The following SCHIP1 variants were observed in gnomAD, a reference collection of about 807,000 sequenced individuals.
SCHIP1 encodes the protein schwannomin-interacting protein 1.
Under a neutral mutation model 29.7 loss-of-function variants are expected in SCHIP1, and 8 were observed. The observed-to-expected ratio is 0.27, with a 90% CI of 0.16 to 0.49. The LOEUF is 0.49. SCHIP1 is among the 20% of genes least tolerant of loss of function. The pLI, the probability that SCHIP1 is intolerant of heterozygous loss-of-function variation, is 0.99. For missense variants in SCHIP1, 193 were observed against 294.6 expected (o/e 0.66, Z 2.52); for synonymous variants, 76 against 94.9 (o/e 0.80, Z 1.16).
chr3:159,283,840 A>C, the SCHIP1 span, among the ~76,000 whole-genome samples: 3 of 152,200 alleles, frequency 2.0e-5, no homozygotes, highest in African/African-American at 7.2e-5. Flanking sequence ...AATTCAACCT[A>C]AGCAAAATAG....
At chr3:159,611,855 G>C in the SCHIP1 span, among the ~76,000 whole-genome samples, 1 of 151,850 alleles carries the variant, frequency 6.6e-6, no homozygotes, top group Admixed American at 6.6e-5. Flanking sequence ...TGTATTGCTG[G>C]GTTTCAGTGT....
the SCHIP1 span, among the ~76,000 whole-genome samples, chr3:159,638,777 T>TA: frequency 1.3e-5 from 2 of 152,088 alleles, no homozygotes; most frequent in African/African-American, 4.8e-5. Flanking sequence ...TATAAATACT[T>TA]ATATTCATTT....
chr3:159,828,389 ATATATACGTATATATATACG>A, the SCHIP1 span, among the ~76,000 whole-genome samples: 1 of 25,954 alleles, frequency 3.9e-5, no homozygotes, highest in South Asian at 1.0e-3. Context: ...ATATATATAC[ATATATACGTATATATATACG>A]TATATATACG....
the SCHIP1 span, chr3:159,274,351 A>G: frequency 1.0e-6 from 1 of 979,496 alleles, no homozygotes; most frequent in South Asian, 4.7e-5. Context: ...ATGTCTAGGT[A>G]TTCTAATGTC....
the SCHIP1 span, among the ~76,000 whole-genome samples, chr3:159,707,180 C>T: frequency 6.6e-6 from 1 of 152,138 alleles, no homozygotes; most frequent in Non-Finnish European, 1.5e-5. Flanking sequence ...GTATATGACT[C>T]TTTATCAGAG....
chr3:159,518,618 G>A, the SCHIP1 span, among the ~76,000 whole-genome samples: 1 of 152,022 alleles, frequency 6.6e-6, no homozygotes, highest in African/African-American at 2.4e-5. Context: ...ACTCATTAAG[G>A]ACACTTTCTC....
At chr3:159,838,055 C>G (rs1354759502), upstream of SCHIP1, among the ~76,000 whole-genome samples, 1 of 152,128 alleles carries the variant, frequency 6.6e-6, no homozygotes, top group Non-Finnish European at 1.5e-5. Context: ...TCCTTTGAAC[C>G]TGCTGCTGAA....
the SCHIP1 span, among the ~76,000 whole-genome samples, chr3:159,610,954 C>T: frequency 6.6e-6 from 1 of 151,960 alleles, no homozygotes; most frequent in Admixed American, 6.6e-5. Flanking sequence ...TAGCAGTTCA[C>T]AGATTTAAAA....
chr3:159,666,564 G>T, the SCHIP1 span, among the ~76,000 whole-genome samples: 97 of 152,188 alleles, frequency 6.4e-4, 3 homozygotes, highest in South Asian at 6.8e-3. Flanking sequence ...TTGAAAGATT[G>T]AAACAGTGAA....
the SCHIP1 span, among the ~76,000 whole-genome samples, chr3:159,553,060 G>A: frequency 6.6e-6 from 1 of 152,036 alleles, no homozygotes; most frequent in Non-Finnish European, 1.5e-5. Flanking sequence ...GACGGTGCAT[G>A]GCTGACAATA....
chr3:159,862,946 A>G (rs1270117543), intron 1 of SCHIP1, among the ~76,000 whole-genome samples: 10 of 152,204 alleles, frequency 6.6e-5, no homozygotes, highest in Non-Finnish European at 1.5e-5. Flanking sequence ...AAATGTGTCA[A>G]GAGCCTCAAC....
chr3:159,657,006 G>A, the SCHIP1 span, among the ~76,000 whole-genome samples: 1 of 151,938 alleles, frequency 6.6e-6, no homozygotes, highest in Non-Finnish European at 1.5e-5. Context: ...TGTGCAATGA[G>A]CAGGGGTCCC....
chr3:159,528,856 T>A, the SCHIP1 span, among the ~76,000 whole-genome samples: 10 of 152,144 alleles, frequency 6.6e-5, no homozygotes, highest in Non-Finnish European at 1.3e-4. Context: ...AAGAAAGAAA[T>A]GAAAAGTAGA....
chr3:159,635,786 T>C, the SCHIP1 span, among the ~76,000 whole-genome samples: 1 of 152,248 alleles, frequency 6.6e-6, no homozygotes, highest in East Asian at 1.9e-4. Flanking sequence ...AAGAAGGACA[T>C]TTCATAATCA....
chr3:159,575,229 A>G, the SCHIP1 span, among the ~76,000 whole-genome samples: 3 of 152,322 alleles, frequency 2.0e-5, no homozygotes, highest in African/African-American at 7.2e-5. Flanking sequence ...CTATTCAGCC[A>G]TCTTGCGACT....
At chr3:159,303,094 A>G in the SCHIP1 span, among the ~76,000 whole-genome samples, 2 of 152,132 alleles carry the variant, frequency 1.3e-5, no homozygotes, top group African/African-American at 4.8e-5. Context: ...TTAAACCCAG[A>G]AAGTTTGGTT....
At chr3:159,451,109 C>T in the SCHIP1 span, among the ~76,000 whole-genome samples, 1 of 152,066 alleles carries the variant, frequency 6.6e-6, no homozygotes, top group Non-Finnish European at 1.5e-5. Flanking sequence ...GCCCGGCCCA[C>T]ATTTAGTATT....
chr3:159,446,941 C>T, the SCHIP1 span, among the ~76,000 whole-genome samples: 1 of 152,108 alleles, frequency 6.6e-6, no homozygotes, highest in African/African-American at 2.4e-5. Context: ...AATATGTGTT[C>T]AGGCCACTTG....
the SCHIP1 span, among the ~76,000 whole-genome samples, chr3:159,357,959 C>G: frequency 4.6e-5 from 7 of 152,282 alleles, no homozygotes; most frequent in South Asian, 1.2e-3. Flanking sequence ...GATTCTGCCC[C>G]CAAGGGGCAC....
Sources: allele counts gnomAD v4.1 joint callset (sites outside exome capture counted in the v4.1 genomes callset), GRCh38; gene constraint gnomAD v4.1.1; transcripts MANE v1.5; gene names NCBI Gene and HGNC (gene_info 2026-07-23, HGNC 2026-07-21).